Variants in UBXN2B observed in about 807,000 individuals in gnomAD.
UBXN2B encodes the protein UBX domain protein 2B, also known as UBX domain-containing protein 2B.
Under a neutral mutation model 37.5 loss-of-function variants are expected in UBXN2B, and 19 were observed. The observed-to-expected ratio is 0.51, with a 90% CI of 0.35 to 0.74. UBXN2B has a LOEUF of 0.74. Ranked by LOEUF, UBXN2B falls within the 30% of genes least tolerant of loss-of-function variation. UBXN2B has a pLI of 0.01. For missense variants in UBXN2B, 370 were observed against 393.2 expected (o/e 0.94, Z 0.50); for synonymous variants, 145 against 143.8 (o/e 1.01, Z -0.06).
chr8:58,442,072 C>T (rs1308552888), intron 6 of UBXN2B, among the ~76,000 whole-genome samples: 3 of 152,154 alleles, frequency 2.0e-5, no homozygotes, highest in African/African-American at 4.8e-5. Context: ...AAATAAATGC[C>T]TCCACCACCT....
At chr8:58,433,611 TAAAAAA>T (rs34836809) in intron 4 of UBXN2B, among the ~76,000 whole-genome samples, 24 of 118,034 alleles carry the variant, frequency 2.0e-4, no homozygotes, top group African/African-American at 6.9e-4. Flanking sequence ...CCTATCTCTT[TAAAAAA>T]AAAAAAAAAA....
chr8:58,420,106 A>G (rs866503000), intron 2 of UBXN2B, among the ~76,000 whole-genome samples: 2 of 152,344 alleles, frequency 1.3e-5, no homozygotes, highest in Middle Eastern at 3.4e-3. Flanking sequence ...CAAAACTATA[A>G]TACAATGTTA....
Position 58,433,362 on chromosome 8 carries a change from G to A in UBXN2B, c.423+119G>A, listed in dbSNP as rs370312261. The A allele has an allele frequency of 3.3e-4, 241 of 738,858 alleles. 3 individuals carry two copies. In the East Asian group the frequency reaches 4.2e-3, roughly 13 times the overall value. The allele number at this position is 738,858 out of a possible 1,614,324, so 45.8% of individuals were successfully genotyped here. A position where few individuals can be genotyped will look rare whatever the true frequency, so the allele number is the denominator to read the frequency against. On this transcript the variant is annotated intron_variant, in intron 4 of 7. Transcript: ENST00000399598. ...ATTTTTGTTACTTTTTAAAACATGG[G>A]TTAAAAGGACCAATGATGTGTGAGT...
At chr8:58,418,000 G>T (rs1309520910) in intron 2 of UBXN2B, among the ~76,000 whole-genome samples, 1 of 152,092 alleles carries the variant, frequency 6.6e-6, no homozygotes, top group Non-Finnish European at 1.5e-5. Context: ...AGCACTTTAG[G>T]TGGGCCAAGG....
rs558282352 is a variant in UBXN2B, at chr8:58,432,907, A to G, written c.340-253A>G. 1.2e-4 allele frequency among the ~76,000 whole-genome samples: 17 copies of G among 144,352 alleles called. No homozygotes were observed. In the South Asian group the frequency reaches 2.3e-3, roughly 20 times the overall value. The allele number at this position is 144,352 out of a possible 152,430, so 94.7% of individuals were successfully genotyped here. A position where few individuals can be genotyped will look rare whatever the true frequency, so the allele number is the denominator to read the frequency against. ...AACGTGTCTTTTTAAAAAAGCCTCT[A>G]TGATAATTTTGACATCCATTGTTGA... is the stretch of plus-strand genomic sequence containing the variant. On this transcript the variant is annotated intron_variant, in intron 3 of 7. Transcript: ENST00000399598.
Position 58,447,461 on chromosome 8 carries a change from T to G in UBXN2B, c.906T>G (p.Thr302=), listed in dbSNP as rs1437636376. The G allele has an allele frequency of 1.2e-6, 2 of 1,613,482 alleles. No individual in the cohort carries two copies. Among genetic ancestry groups the G allele is most frequent in the East Asian group, 4.5e-5 (2 of 44,844 alleles). ...EFAALDFILV[T]SFPNKELTDE... The stretch of plus-strand genomic sequence containing the variant: ...CGGCTCTTGACTTTATTCTTGTGAC[T>G]TCATTTCCGAATAAAGAGCTAACAG... The change falls in exon 8 of 8, where the codon ACT becomes ACG. Residue 302 remains threonine (T), a synonymous_variant. Transcript: ENST00000399598.
At chr8:58,415,173 C>T (rs1255214019) in intron 1 of UBXN2B, among the ~76,000 whole-genome samples, 2 of 151,724 alleles carry the variant, frequency 1.3e-5, no homozygotes, top group Admixed American at 6.6e-5. Flanking sequence ...GGGGGTATTA[C>T]GTGCTATGAG....
chr8:58,426,680 T>C, intron 2 of UBXN2B: 1 of 727,636 alleles, frequency 1.4e-6, no homozygotes, highest in South Asian at 1.3e-5. Context: ...ATCTCTACAA[T>C]GTCATGTTCC....
chr8:58,423,131 C>A (rs1807973132), intron 2 of UBXN2B, among the ~76,000 whole-genome samples: 1 of 151,634 alleles, frequency 6.6e-6, no homozygotes, highest in Admixed American at 6.6e-5. Context: ...CAATAGAGGG[C>A]AGTAGAAGGG....
At chr8:58,421,397 C>A (rs1396470535) in intron 2 of UBXN2B, among the ~76,000 whole-genome samples, 2 of 151,354 alleles carry the variant, frequency 1.3e-5, no homozygotes, top group Admixed American at 1.3e-4. Context: ...TTTAAAAAAA[C>A]CCAATACCAT....
intron 3 of UBXN2B, among the ~76,000 whole-genome samples, chr8:58,431,505 T>C (rs74884939): frequency 0.015 from 2,342 of 152,348 alleles, 30 homozygotes; most frequent in South Asian, 0.055. Flanking sequence ...CTTTTGACTA[T>C]TACAAATAAA....
At chr8:58,415,425 G>A (rs1170149321) in intron 1 of UBXN2B, among the ~76,000 whole-genome samples, 1 of 151,942 alleles carries the variant, frequency 6.6e-6, no homozygotes, top group Non-Finnish European at 1.5e-5. Flanking sequence ...GTATGTGCAT[G>A]TCTGTCTCTC....
chr8:58,436,266 G>A (rs1163083732), intron 5 of UBXN2B, among the ~76,000 whole-genome samples: 2 of 152,120 alleles, frequency 1.3e-5, no homozygotes, highest in Non-Finnish European at 2.9e-5. Flanking sequence ...CACTTTACAT[G>A]GTCGTAAAGT....
intron 2 of UBXN2B, among the ~76,000 whole-genome samples, chr8:58,417,535 C>G (rs1807816241): frequency 6.6e-6 from 1 of 152,158 alleles, no homozygotes; most frequent in Non-Finnish European, 1.5e-5. Context: ...AGTATAAAAA[C>G]AACCAACTGT....
intron 2 of UBXN2B, among the ~76,000 whole-genome samples, chr8:58,417,793 T>C (rs1807822850): frequency 1.3e-5 from 2 of 152,174 alleles, no homozygotes; most frequent in Admixed American, 1.3e-4. Context: ...AATGTTACAT[T>C]GAACTTGTGC....
At position 58,411,427 on chromosome 8, in the gene UBXN2B, G is replaced by T; in HGVS notation, c.42G>T (p.Arg14Ser). ...GCCCTGAGCCCGGCGAGCAGGAGAG[G>T]AGGTCTTCCGGGCCGCGGCCTCCGA... Reference protein sequence around the residue: ...GGGPEPGEQERRSSGPRPPSA... With the variant: ...GGGPEPGEQESRSSGPRPPSA... The change falls in exon 1 of 8, where the codon AGG becomes AGT. Residue 14 changes from arginine (R) to serine (S), a missense_variant. Arg to Ser is a moderately radical substitution (Grantham distance 110, BLOSUM62 -1). Around this residue, in one of 3 missense-constraint regions of UBXN2B, gnomAD observed 197 missense variants for 170.2 expected, o/e 1.16. Transcript: ENST00000399598. 1 of 1,266,120 alleles carries T rather than the reference G, an allele frequency of 7.9e-7. No individual in the cohort carries two copies. The highest frequency in any genetic ancestry group is 1.0e-6 in the Non-Finnish European group (1 of 1,000,162). 78.4% of individuals were successfully genotyped at this position (1,266,120 alleles called of 1,614,324 possible).
Position 58,449,713 on chromosome 8 carries a change from A to G in UBXN2B, c.*2162A>G, listed in dbSNP as rs1808761576. The G allele has an allele frequency of 6.6e-6, 1 of 152,234 alleles. No homozygotes were observed. The highest frequency in any genetic ancestry group is 1.5e-5 in the Non-Finnish European group (1 of 68,052). The allele number at this position is 152,234 out of a possible 1,614,324, so 9.4% of individuals were successfully genotyped here. On this transcript the variant is annotated 3_prime_UTR_variant, in exon 8 of 8. Coordinates refer to ENST00000399598, the MANE Select transcript of UBXN2B (RefSeq NM_001077619.2). The stretch of plus-strand genomic sequence containing the variant: ...CTTTAAGTTTCAAGGCCTGGGAGTA[A>G]TCTTCAGCTCACTGCTGTTCTCTGG...
intron 6 of UBXN2B, among the ~76,000 whole-genome samples, chr8:58,444,241 T>G (rs974149354): frequency 2.6e-5 from 4 of 152,228 alleles, no homozygotes; most frequent in Non-Finnish European, 5.9e-5. Context: ...AACTTTTTTT[T>G]TCCAGAGTTG....
intron 5 of UBXN2B, among the ~76,000 whole-genome samples, chr8:58,435,566 G>A (rs900525729): frequency 1.3e-5 from 2 of 152,142 alleles, no homozygotes; most frequent in Non-Finnish European, 2.9e-5. Context: ...CTAGGTGGGG[G>A]AAGTTTTGAT....
Sources: gnomAD v4.1 joint callset for allele counts (sites outside exome capture counted in the v4.1 genomes callset) on GRCh38, gnomAD v4.1.1 for gene constraint, gnomAD v4.1.1 regional missense constraint, MANE v1.5 for transcripts, NCBI Gene and HGNC (gene_info 2026-07-23, HGNC 2026-07-21) for gene names.